Variants in MACROD2 observed in about 807,000 individuals in gnomAD.
MACROD2 encodes the protein mono-ADP ribosylhydrolase 2.
A neutral mutation model predicts 70.4 loss-of-function variants in MACROD2; 36 were observed. The ratio of observed to expected loss-of-function variants is 0.51; its 90% CI spans 0.39 to 0.68. The LOEUF is 0.68. MACROD2 is among the 30% of genes least tolerant of loss of function. MACROD2 has a pLI of 0.00. For synonymous variants in MACROD2, 172 were observed against 178.8 expected, an observed-to-expected ratio of 0.96 and a Z score of 0.30; for missense variants, 496 against 538.4, an observed-to-expected ratio of 0.92 and a Z score of 0.78.
intron 15 of MACROD2, among the ~76,000 whole-genome samples, chr20:16,008,990 A>C (rs963584069): frequency 2.0e-5 from 3 of 152,186 alleles, no homozygotes; most frequent in African/African-American, 7.2e-5. Flanking sequence ...TCTTTGATCA[A>C]AAGAGACCTC....
chr20:15,098,239 G>T (rs1321963579), intron 5 of MACROD2, among the ~76,000 whole-genome samples: 1 of 152,070 alleles, frequency 6.6e-6, no homozygotes, highest in Non-Finnish European at 1.5e-5. Flanking sequence ...TTGAACAAAG[G>T]GTCTCACATT....
At chr20:15,979,011 G>A (rs184303121) in intron 13 of MACROD2, among the ~76,000 whole-genome samples, 1 of 152,250 alleles carries the variant, frequency 6.6e-6, no homozygotes, top group East Asian at 1.9e-4. Flanking sequence ...GAGCTCAGGA[G>A]GAGTGGATAT....
intron 5 of MACROD2, among the ~76,000 whole-genome samples, chr20:14,784,609 G>A (rs1266794040): frequency 1.5e-5 from 2 of 134,864 alleles, no homozygotes; most frequent in Admixed American, 1.7e-4. Flanking sequence ...ATAAATGCTT[G>A]TTGAATTAAA....
At chr20:14,558,672 CT>C (rs1431202789) in intron 4 of MACROD2, among the ~76,000 whole-genome samples, 2 of 151,590 alleles carry the variant, frequency 1.3e-5, no homozygotes, top group African/African-American at 4.8e-5. Context: ...ATAATAGTGC[CT>C]GGAAATATGT....
At chr20:14,903,904 G>GT (rs1320569296) in intron 5 of MACROD2, among the ~76,000 whole-genome samples, 6 of 152,096 alleles carry the variant, frequency 3.9e-5, no homozygotes, top group African/African-American at 7.2e-5. Context: ...TGCATGAAAG[G>GT]TTTTTTTATT....
chr20:14,954,520 T>C (rs2074502764), intron 5 of MACROD2, among the ~76,000 whole-genome samples: 1 of 139,776 alleles, frequency 7.2e-6, no homozygotes, highest in Admixed American at 7.7e-5. Flanking sequence ...ATATAATTAA[T>C]ATTATATAAT....
At chr20:14,833,886 T>C (rs1344058750) in intron 5 of MACROD2, among the ~76,000 whole-genome samples, 1 of 152,058 alleles carries the variant, frequency 6.6e-6, no homozygotes, top group Admixed American at 6.6e-5. Context: ...AAAAATAGTA[T>C]AACAAAAAAT....
At chr20:15,228,487 C>CTTTTTTTTT (rs527508760) in intron 5 of MACROD2, among the ~76,000 whole-genome samples, 53 of 117,972 alleles carry the variant, frequency 4.5e-4, no homozygotes, top group Non-Finnish European at 5.1e-4. Context: ...TTCCTTCTTT[C>CTTTTTTTTT]TTTTTTTTTT....
At chr20:15,487,997 A>G (rs990860321) in intron 7 of MACROD2, among the ~76,000 whole-genome samples, 1 of 152,164 alleles carries the variant, frequency 6.6e-6, no homozygotes, top group Non-Finnish European at 1.5e-5. Flanking sequence ...ATGAGACACA[A>G]GTGGTTTACA....
intron 5 of MACROD2, among the ~76,000 whole-genome samples, chr20:14,700,443 G>A (rs2071181983): frequency 6.6e-6 from 1 of 151,768 alleles, no homozygotes; most frequent in African/African-American, 2.4e-5. Context: ...TTATGAAGCT[G>A]AATATCAATC....
intron 5 of MACROD2, among the ~76,000 whole-genome samples, chr20:15,043,202 C>T (rs534538807): frequency 2.2e-4 from 33 of 152,276 alleles, no homozygotes; most frequent in East Asian, 9.6e-4. Flanking sequence ...GTTCCACAGA[C>T]GCATTTTATT....
intron 6 of MACROD2, among the ~76,000 whole-genome samples, chr20:15,403,310 G>A (rs1024543514): frequency 4.6e-5 from 7 of 151,846 alleles, no homozygotes; most frequent in Admixed American, 3.9e-4. Context: ...AAAAGGAGAA[G>A]TGGTATTTGT....
intron 3 of MACROD2, among the ~76,000 whole-genome samples, chr20:14,242,303 A>G (rs2081936409): frequency 6.6e-6 from 1 of 152,212 alleles, no homozygotes. Context: ...CTAAAAAGGC[A>G]CAAAAGCATG....
chr20:15,994,875 G>A (rs937398697), intron 15 of MACROD2, among the ~76,000 whole-genome samples: 1 of 152,108 alleles, frequency 6.6e-6, no homozygotes, highest in Non-Finnish European at 1.5e-5. Context: ...ATGATAAATT[G>A]TATCATCGTG....
chr20:14,031,316 G>A (rs2053244596), intron 2 of MACROD2, among the ~76,000 whole-genome samples: 1 of 152,106 alleles, frequency 6.6e-6, no homozygotes, highest in African/African-American at 2.4e-5. Flanking sequence ...AGTACAATAT[G>A]TAGTATCTCA....
chr20:15,042,701 G>T (rs1331581785), intron 5 of MACROD2, among the ~76,000 whole-genome samples: 2 of 152,150 alleles, frequency 1.3e-5, no homozygotes, highest in African/African-American at 2.4e-5. Flanking sequence ...ATCAGCAGAA[G>T]CTCAGCGTGC....
chr20:15,623,308 A>G (rs1172542272), intron 8 of MACROD2, among the ~76,000 whole-genome samples: 6 of 152,250 alleles, frequency 3.9e-5, no homozygotes, highest in Admixed American at 3.9e-4. Context: ...TTAATGAAAC[A>G]TATCCACCAA....
At chr20:14,729,174 A>C (rs957403000) in intron 5 of MACROD2, among the ~76,000 whole-genome samples, 2 of 152,152 alleles carry the variant, frequency 1.3e-5, no homozygotes, top group Non-Finnish European at 2.9e-5. Flanking sequence ...TATGAATTTC[A>C]TCTGTTATTC....
chr20:15,641,098 T>G (rs2049452769), intron 8 of MACROD2, among the ~76,000 whole-genome samples: 1 of 152,228 alleles, frequency 6.6e-6, no homozygotes, highest in Non-Finnish European at 1.5e-5. Context: ...ATAGAGTTTA[T>G]TGGAGTTGCT....
Sources: gnomAD v4.1 joint callset for allele counts (sites outside exome capture counted in the v4.1 genomes callset) on GRCh38, gnomAD v4.1.1 for gene constraint, MANE v1.5 for transcripts, NCBI Gene and HGNC (gene_info 2026-07-23, HGNC 2026-07-21) for gene names.